PPEF1: variants seen among roughly 807,000 people sequenced by gnomAD.
The protein encoded by PPEF1 is protein phosphatase with EF-hand domain 1.
Under a neutral mutation model 53.3 loss-of-function variants are expected in PPEF1, and 12 were observed. The ratio of observed to expected loss-of-function variants is 0.23; its 90% CI spans 0.14 to 0.36. The LOEUF (loss-of-function observed/expected upper bound fraction) is 0.36, where lower values mean the gene tolerates loss of function less well. Among genes scored for constraint, PPEF1 ranks in the 10% least tolerant of loss-of-function variants. The pLI, the probability that PPEF1 is intolerant of heterozygous loss-of-function variation, is 1.00. For missense variants in PPEF1, 334 were observed against 490.4 expected (o/e 0.68, Z 3.01); for synonymous variants, 165 against 176.7 (o/e 0.93, Z 0.52).
At chrX:18,786,049 CATG>C (rs764048565) in intron 9 of PPEF1, among the ~76,000 whole-genome samples, 3 of 112,390 alleles carry the variant, frequency 2.7e-5, no homozygotes, top group Admixed American at 9.4e-5. Flanking sequence ...CACAAGGGAA[CATG>C]ATGTCTTTGT....
chrX:18,777,764 T>A (rs906077344), intron 6 of PPEF1, among the ~76,000 whole-genome samples: 2 of 105,890 alleles, frequency 1.9e-5, no homozygotes, highest in Non-Finnish European at 3.9e-5. Flanking sequence ...CTTTTTTTTT[T>A]AGACATAGTC....
exon 2 of PPEF1, among the ~76,000 whole-genome samples, chrX:18,684,683 G>C (rs1929001532): frequency 1.9e-5 from 2 of 107,843 alleles, no homozygotes; most frequent in African/African-American, 6.8e-5. Context: ...CTGGAGTGCA[G>C]TGGCACAATC....
chrX:18,702,343 C>A (rs1248714832), intron 6 of PPEF1, among the ~76,000 whole-genome samples: 1 of 109,540 alleles, frequency 9.1e-6, no homozygotes, highest in Non-Finnish European at 1.9e-5. Flanking sequence ...AGTTGAATGA[C>A]TATGGGTTCC....
At chrX:18,790,842 TG>T (rs1233799304) in intron 10 of PPEF1, among the ~76,000 whole-genome samples, 1 of 110,187 alleles carries the variant, frequency 9.1e-6, no homozygotes, top group Non-Finnish European at 1.9e-5. Flanking sequence ...GGCTAATTTT[TG>T]TATTTTTAGT....
At chrX:18,824,154 G>A (rs886182701) in intron 14 of PPEF1, 68 bp downstream of exon 14, 2 of 1,038,708 alleles carry the variant, frequency 1.9e-6, no homozygotes, top group Non-Finnish European at 1.3e-6. Context: ...TTGAAAAGCT[G>A]GGAGTGGCCG....
chrX:18,757,710 A>G lies in PPEF1; in HGVS notation c.480A>G (p.Gln160=), dbSNP rs777419978. 4 of 1,209,818 alleles carry G rather than the reference A, an allele frequency of 3.3e-6. No homozygotes were observed. Among genetic ancestry groups the G allele is most frequent in the Non-Finnish European group, 4.5e-6 (4 of 893,921 alleles). ...AAATGCCGAATTTCACTCACATACA[A>G]ACTTCTCCCTCCAAAGAGGTAACAA... ...LKQMPNFTHI[Q]TSPSKEVTIC... Residue 160 remains glutamine (Q), a synonymous_variant, in exon 5 of 16, where the codon CAA becomes CAG. Coordinates refer to ENST00000470157, the MANE Select transcript of PPEF1 (RefSeq NM_001377996.1).
intron 4 of PPEF1, among the ~76,000 whole-genome samples, chrX:18,697,489 A>T (rs780852743): frequency 1.1e-3 from 117 of 110,834 alleles, no homozygotes; most frequent in African/African-American, 3.6e-3. Flanking sequence ...CCTCTGGCTG[A>T]TGCCTAGTCA....
intron 10 of PPEF1, among the ~76,000 whole-genome samples, chrX:18,792,717 C>T (rs968290986): frequency 4.5e-5 from 5 of 111,552 alleles, no homozygotes; most frequent in Admixed American, 9.6e-5. Flanking sequence ...TTCTTGGCGT[C>T]TTGAACAATG....
chrX:18,709,084 A>G (rs952004342), intron 1 of PPEF1, among the ~76,000 whole-genome samples: 1 of 112,284 alleles, frequency 8.9e-6, no homozygotes, highest in Non-Finnish European at 1.9e-5. Flanking sequence ...TTTTCTTTCA[A>G]ATACCTGTGA....
At position 18,825,818 on chromosome X, in the gene PPEF1, T is replaced by A. The variant is rs1309561290; in HGVS notation, c.1733T>A (p.Ile578Asn). Residue 578 changes from isoleucine (I) to asparagine (N), a missense_variant, in exon 15 of 16, where the codon ATT becomes AAT. Physicochemically the swap from Ile to Asn is moderately radical, Grantham distance 149 (BLOSUM62 -3). Transcript: ENST00000470157. Reference protein sequence around the residue: ...RSDLEIIFNAIDTDHSGLISV... With the variant: ...RSDLEIIFNANDTDHSGLISV... ...GACCTGGAAATCATATTTAATGCCA[T>A]TGACACTGATCACTCAGGTAAATAA... The A allele has an allele frequency of 2.5e-6, 3 of 1,197,211 alleles. No homozygotes were observed. Among genetic ancestry groups the A allele is most frequent in the Non-Finnish European group, 3.4e-6 (3 of 885,590 alleles).
At chrX:18,739,840 G>GC (rs1400629112) in intron 3 of PPEF1, among the ~76,000 whole-genome samples, 1 of 112,438 alleles carries the variant, frequency 8.9e-6, no homozygotes, top group African/African-American at 3.2e-5. Context: ...AATGGTGGAT[G>GC]CCCCTCCCCC....
At chrX:18,774,612 A>C (rs958768397) in intron 6 of PPEF1, among the ~76,000 whole-genome samples, 1 of 112,297 alleles carries the variant, frequency 8.9e-6, no homozygotes, top group Non-Finnish European at 1.9e-5. Flanking sequence ...ACACATTTGC[A>C]TGTCTGTCTT....
chrX:18,695,272 A>C (rs776491341), intron 4 of PPEF1, among the ~76,000 whole-genome samples: 53 of 112,962 alleles, frequency 4.7e-4, no homozygotes, highest in African/African-American at 1.7e-3. Context: ...CCCACATGGC[A>C]GCTTACTTCA....
At chrX:18,714,548 G>A (rs2044411170) in intron 1 of PPEF1, among the ~76,000 whole-genome samples, 1 of 111,892 alleles carries the variant, frequency 8.9e-6, no homozygotes, top group Admixed American at 9.5e-5. Context: ...TGGGATTATA[G>A]GCGTGAGCCA....
chrX:18,819,278 T>A (rs1373661325), intron 13 of PPEF1, among the ~76,000 whole-genome samples: 1 of 112,206 alleles, frequency 8.9e-6, no homozygotes, highest in Admixed American at 9.5e-5. Context: ...CATTTGGGAA[T>A]GATTTGAAGA....
intron 3 of PPEF1, among the ~76,000 whole-genome samples, chrX:18,745,089 A>C (rs967088361): frequency 2.1e-5 from 2 of 96,041 alleles, no homozygotes; most frequent in Non-Finnish European, 4.0e-5. Context: ...TTTATATGGA[A>C]TATATATTAT....
At position 18,818,155 on chromosome X, in the gene PPEF1, T is replaced by C; in HGVS notation, c.1501+10T>C. 1.8e-6 allele frequency: 2 copies of C among 1,114,767 alleles called. No homozygotes were observed. Among genetic ancestry groups the C allele is most frequent in the Non-Finnish European group, 2.5e-6 (2 of 811,364 alleles). 91.9% of individuals were successfully genotyped at this position (1,114,767 alleles called of 1,213,427 possible). ...GACCACAGAAAATCAGGTAACAAAT[T>C]TGCATAACATTTACCATTTCTTAAC... is the stretch of plus-strand genomic sequence containing the variant. On this transcript the variant is annotated intron_variant, in intron 13 of 15. Coordinates refer to ENST00000470157, the MANE Select transcript of PPEF1 (RefSeq NM_001377996.1).
intron 1 of PPEF1, among the ~76,000 whole-genome samples, chrX:18,708,892 G>A (rs992095815): frequency 4.6e-5 from 5 of 109,655 alleles, no homozygotes; most frequent in African/African-American, 1.7e-4. Context: ...AGAGTAAAGA[G>A]AAATTATCTT....
chrX:18,790,035 T>A (rs377597786), intron 10 of PPEF1, among the ~76,000 whole-genome samples: 1 of 112,325 alleles, frequency 8.9e-6, no homozygotes, highest in East Asian at 2.8e-4. Flanking sequence ...TTTTCCCAAG[T>A]GGCTGCACCA....
Sources: gnomAD v4.1 joint callset for allele counts (sites outside exome capture counted in the v4.1 genomes callset) on GRCh38, gnomAD v4.1.1 for gene constraint, MANE v1.5 for transcripts, NCBI Gene and HGNC (gene_info 2026-07-23, HGNC 2026-07-21) for gene names.